The following THAP12 variants were observed in gnomAD, a reference collection of about 807,000 sequenced individuals.
The protein encoded by THAP12 is 52 kDa repressor of the inhibitor of the protein kinase.
A neutral mutation model predicts 63.0 loss-of-function variants in THAP12; 20 were observed. That is an observed-to-expected ratio of 0.32 (90% confidence interval 0.22 to 0.46). The LOEUF (loss-of-function observed/expected upper bound fraction) is 0.46. Ranked by LOEUF, THAP12 falls within the 20% of genes least tolerant of loss-of-function variation. The pLI, the probability that THAP12 is intolerant of heterozygous loss-of-function variation, is 1.00. For missense variants in THAP12, 568 were observed against 908.2 expected, an observed-to-expected ratio of 0.63 and a Z score of 4.81; for synonymous variants, 264 against 328.4, an observed-to-expected ratio of 0.80 and a Z score of 2.12.
chr11:76,355,832 A>G (rs999770420), intron 3 of THAP12, 178 bp from the exon 4 acceptor site: 4 of 487,932 alleles, frequency 8.2e-6, no homozygotes, highest in Non-Finnish European at 1.4e-5. Flanking sequence ...GAAAACCAGA[A>G]TAAGCTGTTA....
intron 1 of THAP12, among the ~76,000 whole-genome samples, chr11:76,375,204 G>A (rs1946700843): frequency 6.6e-6 from 1 of 152,092 alleles, no homozygotes; most frequent in South Asian, 2.1e-4. Context: ...CACCCATCTT[G>A]GGTGAGTTAG....
At chr11:76,355,782 T>C in intron 3 of THAP12, 128 bp from the exon 4 acceptor site, 1 of 726,950 alleles carries the variant, frequency 1.4e-6, no homozygotes, top group Non-Finnish European at 2.1e-6. Flanking sequence ...GAGCATAAAT[T>C]CTTTATATAG....
intron 1 of THAP12, among the ~76,000 whole-genome samples, chr11:76,371,541 A>G (rs1386398764): frequency 6.6e-6 from 1 of 152,176 alleles, no homozygotes; most frequent in Non-Finnish European, 1.5e-5. Context: ...CATTTATCTT[A>G]CTATATTATT....
chr11:76,378,478 T>C (rs1946726475), intron 1 of THAP12, among the ~76,000 whole-genome samples: 1 of 152,214 alleles, frequency 6.6e-6, no homozygotes, highest in Admixed American at 6.5e-5. Flanking sequence ...TGAAGATTTA[T>C]CTGTATTTTT....
chr11:76,378,282 G>C (rs1946725252), intron 1 of THAP12, among the ~76,000 whole-genome samples: 1 of 152,182 alleles, frequency 6.6e-6, no homozygotes, highest in South Asian at 2.1e-4. Flanking sequence ...AATTAGCCAG[G>C]CATGGTGGCG....
In THAP12 at chr11:76,371,179, TG is replaced by T. The variant is rs1301297041; in HGVS notation, c.90-5208del. On this transcript the variant is annotated intron_variant, in intron 1 of 4. Coordinates refer to ENST00000260045, the MANE Select transcript of THAP12 (RefSeq NM_004705.4). ...CCCTTCTCTAACCCCTTCTCCGTGC[TG>T]CAGAGCATTTTTTAAAGCCAATTTG... 1.3e-3 allele frequency among the ~76,000 whole-genome samples: 202 copies of T among 152,364 alleles called. 1 individual carries two copies. The highest frequency in any genetic ancestry group is 4.6e-3 in the African/African-American group (191 of 41,582).
At chr11:76,370,332 T>TTA (rs775700323) in intron 1 of THAP12, among the ~76,000 whole-genome samples, 19 of 151,816 alleles carry the variant, frequency 1.3e-4, no homozygotes, top group Non-Finnish European at 2.2e-4. Context: ...TGATGTACAG[T>TTA]TATCATTTGT....
At chr11:76,376,353 C>T (rs955757565) in intron 1 of THAP12, among the ~76,000 whole-genome samples, 5 of 152,186 alleles carry the variant, frequency 3.3e-5, no homozygotes, top group African/African-American at 7.2e-5. Flanking sequence ...AGGAGTCTAA[C>T]GTTGAAAAGG....
At chr11:76,359,175 T>C (rs1436576842) in intron 3 of THAP12, 2 of 152,194 alleles carry the variant, frequency 1.3e-5, no homozygotes, top group Non-Finnish European at 2.9e-5. Flanking sequence ...ATTTAAGAAG[T>C]GATCTAAGAA....
At chr11:76,365,818 A>C (rs1422085471) in intron 2 of THAP12, 34 bp downstream of exon 2, 2 of 1,599,760 alleles carry the variant, frequency 1.3e-6, no homozygotes, top group Non-Finnish European at 8.5e-7. Context: ...AAATCAAGTC[A>C]AACAGAGAGA....
At chr11:76,369,900 C>T (rs145961589) in intron 1 of THAP12, among the ~76,000 whole-genome samples, 2 of 152,346 alleles carry the variant, frequency 1.3e-5, no homozygotes, top group African/African-American at 4.8e-5. Flanking sequence ...CCCTCATGAT[C>T]CAGATGTGTA....
intron 3 of THAP12, chr11:76,356,084 T>C (rs1342035760): frequency 6.4e-6 from 1 of 155,764 alleles, no homozygotes; most frequent in Non-Finnish European, 1.4e-5. Context: ...ACAAAAGTGA[T>C]GAGAAATCCC....
chr11:76,372,036 C>T (rs1846019676), intron 1 of THAP12, among the ~76,000 whole-genome samples: 1 of 152,060 alleles, frequency 6.6e-6, no homozygotes, highest in African/African-American at 2.4e-5. Flanking sequence ...TGGTCTCGAA[C>T]CCCTGACCAG....
chr11:76,352,910 T>C, intron 4 of THAP12, 116 bp from the exon 5 acceptor site: 2 of 1,252,308 alleles, frequency 1.6e-6, no homozygotes, highest in Non-Finnish European at 2.1e-6. Context: ...TCAATATTCA[T>C]AGGGTATTTA....
rs1946520105 is a variant in THAP12 at position 76,350,754 on chromosome 11, T to C, written c.*110A>G. On this transcript the variant is annotated 3_prime_UTR_variant, in exon 5 of 5. Transcript: ENST00000260045. ...AGGTAGATTATCAATGGCTAATGTATTCAATGGAGTCCTATAGGCAAAGAT... is the reference window on the plus strand; with the variant it reads ...AGGTAGATTATCAATGGCTAATGTACTCAATGGAGTCCTATAGGCAAAGAT... 2 of 1,139,960 alleles carry C rather than the reference T, an allele frequency of 1.8e-6. No individual in the cohort carries two copies. Among genetic ancestry groups the C allele is most frequent in the South Asian group, 4.3e-5 (2 of 46,068 alleles). 70.6% of individuals were successfully genotyped at this position (1,139,960 alleles called of 1,614,324 possible). A position where few individuals can be genotyped will look rare whatever the true frequency, so the allele number is the denominator to read the frequency against.
intron 1 of THAP12, among the ~76,000 whole-genome samples, chr11:76,375,229 G>A (rs1946701120): frequency 6.6e-6 from 1 of 152,082 alleles, no homozygotes; most frequent in Non-Finnish European, 1.5e-5. Context: ...AGCTGCCTGA[G>A]GAGGAAGAAG....
chr11:76,351,772 T>A lies in THAP12; in HGVS notation c.1378A>T (p.Asn460Tyr), dbSNP rs762443566. ...AATGCTCGGCCAGCTATATAGTTAT[T>A]CCATCTAATATTTGTGTCACTATTT... is the stretch of plus-strand genomic sequence containing the variant. ...GINSDTNIRW[N>Y]NYIAGRAFVL... is the part of the protein sequence containing the mutation. The change falls in exon 5 of 5, where the codon AAT (asparagine) becomes TAT (tyrosine). Residue 460 changes from asparagine (N) to tyrosine (Y), a missense_variant. Transcript: ENST00000260045. 1 of 1,613,188 alleles carries A rather than the reference T, an allele frequency of 6.2e-7. No homozygotes were observed. Among genetic ancestry groups the A allele is most frequent in the Non-Finnish European group, 8.5e-7 (1 of 1,179,496 alleles).
chr11:76,380,422 C>T (rs1292287556), intron 1 of THAP12, among the ~76,000 whole-genome samples: 2 of 152,228 alleles, frequency 1.3e-5, no homozygotes, highest in Non-Finnish European at 2.9e-5. Context: ...AGGAAAGCGA[C>T]TCCCCCGAGG....
At chr11:76,377,823 C>T (rs1946721961) in intron 1 of THAP12, among the ~76,000 whole-genome samples, 2 of 152,328 alleles carry the variant, frequency 1.3e-5, no homozygotes, top group South Asian at 4.1e-4. Context: ...TTGATTTGAA[C>T]TTCTCTAATA....
Sources: allele counts gnomAD v4.1 joint callset (sites outside exome capture counted in the v4.1 genomes callset), GRCh38; gene constraint gnomAD v4.1.1; transcripts MANE v1.5; gene names NCBI Gene and HGNC (gene_info 2026-07-23, HGNC 2026-07-21).